Variants in MAP3K1 observed in about 807,000 individuals in gnomAD.
MAP3K1 encodes mitogen-activated protein kinase kinase kinase 1.
MAP3K1 carries 36 observed loss-of-function variants against 144.2 expected under a neutral mutation model. The ratio of observed to expected loss-of-function variants is 0.25; its 90% CI spans 0.19 to 0.33. The LOEUF (loss-of-function observed/expected upper bound fraction) is 0.33. MAP3K1 is among the 10% of genes least tolerant of loss of function. MAP3K1 has a pLI of 1.00. For missense variants in MAP3K1, 1,650 were observed against 1,881.9 expected (o/e 0.88, Z 2.28); for synonymous variants, 718 against 688.7 (o/e 1.04, Z -0.67).
At chr5:56,816,310 T>C (rs982617934) in intron 1 of MAP3K1, among the ~76,000 whole-genome samples, 51 of 152,016 alleles carry the variant, frequency 3.4e-4, no homozygotes, top group African/African-American at 1.2e-3. Flanking sequence ...CGTGCGAGCC[T>C]CTCTGCGGGG....
Position 56,895,667 on chromosome 5 carries a change from GTTTTGTT to G in MAP3K1, c.*1997_*2003del. On this transcript the variant is annotated 3_prime_UTR_variant, in exon 20 of 20. Transcript: ENST00000399503. Reference sequence around the variant, plus strand: ...CCCTCAGCTTGCTGGTAATTGTGGTGTTTTGTTTTTTGTTTTGTTTTCAATGCAAATG... The same window carrying G: ...CCCTCAGCTTGCTGGTAATTGTGGTGTTTTGTTTTGTTTTCAATGCAAATG... 4.3e-6 allele frequency: 1 copy of G among 232,410 alleles called. No homozygotes were observed. Among genetic ancestry groups the G allele is most frequent in the Non-Finnish European group, 8.5e-6 (1 of 117,560 alleles). 14.4% of individuals were successfully genotyped at this position (232,410 alleles called of 1,614,324 possible).
intron 1 of MAP3K1, among the ~76,000 whole-genome samples, chr5:56,845,004 C>G (rs1217659824): frequency 1.3e-5 from 2 of 152,206 alleles, no homozygotes; most frequent in Non-Finnish European, 2.9e-5. Flanking sequence ...CTAGCAAAGA[C>G]TGTAAGAGGG....
chr5:56,850,683 C>G (rs1348487671), intron 1 of MAP3K1, among the ~76,000 whole-genome samples: 1 of 152,170 alleles, frequency 6.6e-6, no homozygotes. Context: ...CACTCACTTA[C>G]AAACTGTGTT....
At chr5:56,888,152 G>C in intron 18 of MAP3K1, 74 bp from the exon 19 acceptor site, 3 of 1,367,308 alleles carry the variant, frequency 2.2e-6, no homozygotes, top group Non-Finnish European at 3.1e-6. Context: ...TAAGGAAGTA[G>C]AATCTATAAC....
In MAP3K1 at chr5:56,896,056, T is replaced by C. The variant is rs1300931226; in HGVS notation, c.*2376T>C. 4.4e-6 allele frequency: 1 copy of C among 229,104 alleles called. No homozygotes were observed. The highest frequency in any genetic ancestry group is 8.6e-6 in the Non-Finnish European group (1 of 115,698). The allele number at this position is 229,104 out of a possible 1,614,324, so 14.2% of individuals were successfully genotyped here. A position where few individuals can be genotyped will look rare whatever the true frequency, so the allele number is the denominator to read the frequency against. Reference sequence around the variant, plus strand: ...TTGTTATTTTAAATATATTGAGATATTTTAATTAAAATTTTTACCCCATTG... The same window carrying C: ...TTGTTATTTTAAATATATTGAGATACTTTAATTAAAATTTTTACCCCATTG... On this transcript the variant is annotated 3_prime_UTR_variant, in exon 20 of 20. Coordinates refer to ENST00000399503, the MANE Select transcript of MAP3K1 (RefSeq NM_005921.2).
chr5:56,839,107 T>G (rs1746736870), intron 1 of MAP3K1, among the ~76,000 whole-genome samples: 1 of 152,214 alleles, frequency 6.6e-6, no homozygotes, highest in African/African-American at 2.4e-5. Flanking sequence ...AAGTTGCGAA[T>G]CCAAAGGCCT....
chr5:56,860,880 A>T lies in MAP3K1; in HGVS notation c.834+965A>T, dbSNP rs545287189. On this transcript the variant is annotated intron_variant, in intron 3 of 19. Transcript: ENST00000399503. ...AAAAAAAAAGAAAAAAAGAAAAGCAACTTAAGTATTTTTTCACTAGTGTTA... is the reference window on the plus strand; with the variant it reads ...AAAAAAAAAGAAAAAAAGAAAAGCATCTTAAGTATTTTTTCACTAGTGTTA... 6.6e-5 allele frequency among the ~76,000 whole-genome samples: 10 copies of T among 152,212 alleles called. No homozygotes were observed. In the South Asian group the frequency reaches 2.1e-3, roughly 32 times the overall value.
chr5:56,815,623 C>G lies in MAP3K1; in HGVS notation c.50C>G (p.Ala17Gly). Residue 17 changes from alanine (A) to glycine (G), a missense_variant, in exon 1 of 20, where the codon GCC becomes GGC. Transcript: ENST00000399503. The part of the protein sequence containing the change: ...NRASSSGFPG[A>G]RATSPEAGGG... ...GCCTCGTCGTCGGGATTCCCGGGCGCCAGGGCTACGAGCCCTGAGGCAGGC... is the reference window on the plus strand; with the variant it reads ...GCCTCGTCGTCGGGATTCCCGGGCGGCAGGGCTACGAGCCCTGAGGCAGGC... The G allele has an allele frequency of 7.6e-7, 1 of 1,313,944 alleles. No individual in the cohort carries two copies. Among genetic ancestry groups the G allele is most frequent in the Non-Finnish European group, 9.7e-7 (1 of 1,032,736 alleles). The allele number at this position is 1,313,944 out of a possible 1,614,324, so 81.4% of individuals were successfully genotyped here.
At chr5:56,851,156 G>A (rs565085372) in intron 1 of MAP3K1, among the ~76,000 whole-genome samples, 28 of 152,292 alleles carry the variant, frequency 1.8e-4, no homozygotes, top group African/African-American at 6.0e-4. Flanking sequence ...ATGTTGGTCA[G>A]GCTGGTCTCG....
chr5:56,884,540 A>T, intron 15 of MAP3K1, 124 bp from the exon 16 acceptor site: 1 of 850,112 alleles, frequency 1.2e-6, no homozygotes, highest in Non-Finnish European at 1.9e-6. Flanking sequence ...TGTTTAAAGT[A>T]CATTGCATCC....
chr5:56,831,360 G>A, intron 1 of MAP3K1, among the ~76,000 whole-genome samples: 1 of 152,058 alleles, frequency 6.6e-6, no homozygotes, highest in South Asian at 2.1e-4. Flanking sequence ...AGGGAAGGTG[G>A]CAGAATCCAT....
At chr5:56,819,164 G>A (rs1210015070) in intron 1 of MAP3K1, among the ~76,000 whole-genome samples, 2 of 152,188 alleles carry the variant, frequency 1.3e-5, no homozygotes, top group Non-Finnish European at 2.9e-5. Context: ...ATAAGAGCTA[G>A]AATTGTTGCC....
At chr5:56,874,992 C>A in intron 9 of MAP3K1, 40 bp from the exon 10 acceptor site, 1 of 1,609,086 alleles carries the variant, frequency 6.2e-7, no homozygotes. Context: ...GGTCCATAAG[C>A]TTTTCTTTAC....
intron 1 of MAP3K1, among the ~76,000 whole-genome samples, chr5:56,852,718 G>C (rs528704298): frequency 8.5e-5 from 13 of 152,098 alleles, no homozygotes; most frequent in African/African-American, 3.1e-4. Context: ...ATGTTTCTGG[G>C]TAATGTTTGG....
At chr5:56,842,411 C>T (rs571318193) in intron 1 of MAP3K1, among the ~76,000 whole-genome samples, 2 of 152,282 alleles carry the variant, frequency 1.3e-5, no homozygotes, top group South Asian at 2.1e-4. Context: ...TCTTCATCTG[C>T]CCAATGAAGA....
chr5:56,867,989 A>G (rs551257313), intron 6 of MAP3K1, among the ~76,000 whole-genome samples: 1 of 152,328 alleles, frequency 6.6e-6, no homozygotes, highest in South Asian at 2.1e-4. Flanking sequence ...AGGTTATAAT[A>G]ATATATTATG....
At chr5:56,835,789 A>C (rs1044910885) in intron 1 of MAP3K1, among the ~76,000 whole-genome samples, 3 of 152,052 alleles carry the variant, frequency 2.0e-5, no homozygotes, top group Non-Finnish European at 4.4e-5. Flanking sequence ...TGGTTAAAGT[A>C]GTGAGCATGC....
chr5:56,857,240 C>T (rs1029162105), intron 2 of MAP3K1, among the ~76,000 whole-genome samples: 15 of 152,022 alleles, frequency 9.9e-5, no homozygotes, highest in African/African-American at 3.4e-4. Context: ...AGCATGTTAT[C>T]CTCATTTGAC....
intron 6 of MAP3K1, 27 bp from the exon 7 acceptor site, chr5:56,871,883 A>C: frequency 1.9e-6 from 3 of 1,610,122 alleles, no homozygotes; most frequent in Non-Finnish European, 2.5e-6. Context: ...TTTTATGCTT[A>C]ATACTTTTTC....
Sources: allele counts gnomAD v4.1 joint callset (sites outside exome capture counted in the v4.1 genomes callset), GRCh38; gene constraint gnomAD v4.1.1; transcripts MANE v1.5; gene names NCBI Gene and HGNC (gene_info 2026-07-23, HGNC 2026-07-21).